The following CLEC16A variants were observed in gnomAD, a reference collection of about 807,000 sequenced individuals.
The protein encoded by CLEC16A is C-type lectin domain containing 16A, also known as protein CLEC16A.
In CLEC16A, 51 loss-of-function variants were observed where a neutral mutation model predicts 109.5. The observed-to-expected ratio is 0.47, with a 90% CI of 0.37 to 0.59. The LOEUF is 0.59. Among genes scored for constraint, CLEC16A ranks in the 20% least tolerant of loss-of-function variants. CLEC16A has a pLI of 0.00. For synonymous variants in CLEC16A, 673 were observed against 564.2 expected (o/e 1.19, Z -2.73); for missense variants, 1,339 against 1,394.0 (o/e 0.96, Z 0.63).
At chr16:11,149,646 G>A (rs967536013) in intron 22 of CLEC16A, among the ~76,000 whole-genome samples, 5 of 152,108 alleles carry the variant, frequency 3.3e-5, no homozygotes, top group African/African-American at 9.6e-5. Context: ...ATAAATAGCT[G>A]GGCATGATGG....
chr16:11,030,758 C>T (rs567317229), intron 13 of CLEC16A, among the ~76,000 whole-genome samples: 6 of 152,200 alleles, frequency 3.9e-5, no homozygotes, highest in East Asian at 1.9e-4. Context: ...AATTCTCCTG[C>T]CTCAGCCTCC....
intron 19 of CLEC16A, among the ~76,000 whole-genome samples, chr16:11,085,243 C>G (rs558947922): frequency 2.6e-5 from 4 of 152,360 alleles, no homozygotes; most frequent in Admixed American, 1.3e-4. Flanking sequence ...GCCTGGCTGT[C>G]AGAGAAGAAT....
intron 13 of CLEC16A, among the ~76,000 whole-genome samples, chr16:11,037,408 T>C (rs2047083286): frequency 6.6e-6 from 1 of 152,350 alleles, no homozygotes; most frequent in Middle Eastern, 3.4e-3. Flanking sequence ...AGGCTGGACT[T>C]GGAACCTGGT....
intron 18 of CLEC16A, chr16:11,056,827 G>T (rs1307742976): frequency 6.6e-6 from 1 of 152,128 alleles, no homozygotes; most frequent in Non-Finnish European, 1.5e-5. Flanking sequence ...TCCTATCTTT[G>T]TCTGTAAAAA....
At chr16:10,985,087 C>T (rs1282933170) in intron 10 of CLEC16A, among the ~76,000 whole-genome samples, 2 of 151,538 alleles carry the variant, frequency 1.3e-5, no homozygotes, top group Non-Finnish European at 2.9e-5. Flanking sequence ...CCTGCAGTCT[C>T]AGCTACTCGG....
At chr16:10,999,004 A>C (rs2152743295) in intron 10 of CLEC16A, among the ~76,000 whole-genome samples, 1 of 152,352 alleles carries the variant, frequency 6.6e-6, no homozygotes, top group Middle Eastern at 3.4e-3. Context: ...AAAACAAAAA[A>C]CAAAAAACAG....
intron 4 of CLEC16A, 120 bp downstream of exon 4, chr16:10,969,429 G>T: frequency 1.5e-6 from 1 of 647,954 alleles, no homozygotes; most frequent in Non-Finnish European, 2.4e-6. Flanking sequence ...GCTCTTATAT[G>T]CTTGTTATGA....
chr16:10,963,294 G>A (rs998599991), intron 3 of CLEC16A, among the ~76,000 whole-genome samples: 24 of 152,076 alleles, frequency 1.6e-4, no homozygotes, highest in African/African-American at 5.3e-4. Context: ...TAATTACCTC[G>A]CCAAAGGCCC....
intron 19 of CLEC16A, chr16:11,070,623 G>A (rs911607554): frequency 1.3e-5 from 2 of 152,168 alleles, no homozygotes; most frequent in Admixed American, 6.5e-5. Context: ...TAAACGAGAA[G>A]CCAGATCATG....
At chr16:11,158,849 G>A (rs1481962288) in intron 22 of CLEC16A, among the ~76,000 whole-genome samples, 1 of 152,014 alleles carries the variant, frequency 6.6e-6, no homozygotes, top group African/African-American at 2.4e-5. Context: ...GAACCTGGGA[G>A]GCGGAGGTTA....
At chr16:11,045,323 G>C (rs1174431923) in intron 16 of CLEC16A, among the ~76,000 whole-genome samples, 1 of 152,150 alleles carries the variant, frequency 6.6e-6, no homozygotes, top group African/African-American at 2.4e-5. Flanking sequence ...ACTCCAGCCT[G>C]GGTGATAGGT....
rs373993190 is a variant in CLEC16A at position 11,027,444 on chromosome 16, G to A, written c.1537+2523G>A. On this transcript the variant is annotated intron_variant, in intron 13 of 23. Transcript: ENST00000409790. ...TATAGTGGAAACTTATGTGACCTGGGGATTTCCAAATCTGAAGTCTGTCCG... is the reference window on the plus strand; with the variant it reads ...TATAGTGGAAACTTATGTGACCTGGAGATTTCCAAATCTGAAGTCTGTCCG... The A allele has an allele frequency of 4.5e-6, 7 of 1,556,078 alleles. No homozygotes were observed. The South Asian group carries it at 6.7e-5, about 15-fold the overall frequency.
chr16:11,079,385 A>T lies in CLEC16A; in HGVS notation c.2116+18363A>T, dbSNP rs544597623. Among the ~76,000 whole-genome samples the T allele has an allele frequency of 2.0e-5, 3 of 152,334 alleles. No homozygotes were observed. The South Asian group carries it at 6.2e-4, about 32-fold the overall frequency. On this transcript the variant is annotated intron_variant, in intron 19 of 23. Coordinates refer to ENST00000409790, the MANE Select transcript of CLEC16A (RefSeq NM_015226.3). ...GCTGAGCTGGCCTCCCCCAGTCCTCACAACTTTTTAGTCATTTGCTAATAA... is the reference window on the plus strand; with the variant it reads ...GCTGAGCTGGCCTCCCCCAGTCCTCTCAACTTTTTAGTCATTTGCTAATAA...
intron 19 of CLEC16A, among the ~76,000 whole-genome samples, chr16:11,069,786 A>G (rs560062468): frequency 2.0e-5 from 3 of 152,056 alleles, no homozygotes; most frequent in East Asian, 3.8e-4. Flanking sequence ...ACAACCATGC[A>G]AAATGAGCAG....
intron 16 of CLEC16A, among the ~76,000 whole-genome samples, chr16:11,045,845 A>C (rs1179891960): frequency 6.6e-6 from 1 of 152,148 alleles, no homozygotes; most frequent in African/African-American, 2.4e-5. Flanking sequence ...AATCGTTTTA[A>C]GCGACTGCAT....
At chr16:10,976,564 A>G (rs1047279473) in intron 7 of CLEC16A, among the ~76,000 whole-genome samples, 4 of 152,212 alleles carry the variant, frequency 2.6e-5, no homozygotes, top group African/African-American at 7.2e-5. Flanking sequence ...ATGATCATCT[A>G]TCAGTTGGGT....
chr16:11,143,891 C>A (rs1029242528), intron 22 of CLEC16A, among the ~76,000 whole-genome samples: 1 of 152,198 alleles, frequency 6.6e-6, no homozygotes, highest in Non-Finnish European at 1.5e-5. Context: ...AGTGTCCTAT[C>A]CTGGCTTGGC....
intron 10 of CLEC16A, among the ~76,000 whole-genome samples, chr16:10,993,501 G>A (rs964102393): frequency 2.0e-5 from 3 of 152,184 alleles, no homozygotes; most frequent in Admixed American, 6.5e-5. Flanking sequence ...CCAAGGTTCC[G>A]TGATTGTTCC....
intron 22 of CLEC16A, among the ~76,000 whole-genome samples, chr16:11,128,407 C>A (rs570195039): frequency 6.6e-6 from 1 of 152,192 alleles, no homozygotes; most frequent in Non-Finnish European, 1.5e-5. Flanking sequence ...GCTGGGATGC[C>A]CCATGTCCTG....
Sources: gnomAD v4.1 joint callset for allele counts (sites outside exome capture counted in the v4.1 genomes callset) on GRCh38, gnomAD v4.1.1 for gene constraint, MANE v1.5 for transcripts, NCBI Gene and HGNC (gene_info 2026-07-23, HGNC 2026-07-21) for gene names.